The following NLK variants were observed in gnomAD, a reference collection of about 807,000 sequenced individuals.
The protein encoded by NLK is serine/threonine-protein kinase NLK.
NLK carries 11 observed loss-of-function variants against 59.0 expected under a neutral mutation model. That is an observed-to-expected ratio of 0.19 (90% confidence interval 0.12 to 0.31). The LOEUF (loss-of-function observed/expected upper bound fraction) is 0.31. NLK is among the 10% of genes least tolerant of loss of function. The probability of loss-of-function intolerance (pLI) is 1.00; values close to 1 mark genes in which losing one functional copy is unlikely to be tolerated. For synonymous variants in NLK, 235 were observed against 235.9 expected (o/e 1.00, Z 0.03); for missense variants, 410 against 661.1 (o/e 0.62, Z 4.16).
intron 4 of NLK, 38 bp downstream of exon 4, chr17:28,161,304 T>G: frequency 3.6e-6 from 4 of 1,098,908 alleles, no homozygotes; most frequent in Non-Finnish European, 5.6e-6. Flanking sequence ...GCTGTCACAC[T>G]GTAAATGAAA....
intron 1 of NLK, among the ~76,000 whole-genome samples, chr17:28,095,532 ACTACTCAGGATT>A (rs1904670615): frequency 6.6e-6 from 1 of 152,234 alleles, no homozygotes; most frequent in African/African-American, 2.4e-5. Context: ...CAAGGATTCT[ACTACTCAGGATT>A]GTAGTATGAT....
chr17:28,189,576 A>G (rs1909240126), intron 8 of NLK, among the ~76,000 whole-genome samples: 1 of 152,188 alleles, frequency 6.6e-6, no homozygotes, highest in Non-Finnish European at 1.5e-5. Context: ...CCTGAAACTC[A>G]TGAACAGAAG....
At chr17:28,122,916 CT>C (rs1350132847) in intron 2 of NLK, among the ~76,000 whole-genome samples, 184 bp downstream of exon 2, 1 of 152,170 alleles carries the variant, frequency 6.6e-6, no homozygotes, top group Admixed American at 6.5e-5. Flanking sequence ...TATTGATAGG[CT>C]TTCAATTCAT....
Position 28,049,939 on chromosome 17 carries a change from C to T in NLK, c.458+6608C>T, listed in dbSNP as rs187226438. Among the ~76,000 whole-genome samples, 406 of 152,204 alleles carry T rather than the reference C, an allele frequency of 2.7e-3. 1 individual carries two copies. Among genetic ancestry groups the T allele is most frequent in the Non-Finnish European group, 4.5e-3 (304 of 67,994 alleles). On this transcript the variant is annotated intron_variant, in intron 1 of 10. Transcript: ENST00000407008. ...AGGTTGCAGTGAGCCAAGATCGTGC[C>T]GTTTCACTCCAGCCTGGACAACAAG...
rs530883428 is a variant in NLK at position 28,044,744 on chromosome 17, G to C, written c.458+1413G>C. 2.0e-5 allele frequency among the ~76,000 whole-genome samples: 3 copies of C among 152,296 alleles called. No individual in the cohort carries two copies. The South Asian group carries it at 6.2e-4, about 32-fold the overall frequency. On this transcript the variant is annotated intron_variant, in intron 1 of 10. Coordinates refer to ENST00000407008, the MANE Select transcript of NLK (RefSeq NM_016231.5). ...TCTTGAGGATTTCCAAGCTTTGGTT[G>C]GGGGATGGAACAGACAGGAAAACGG...
At chr17:28,125,950 G>T (rs948186897) in intron 2 of NLK, among the ~76,000 whole-genome samples, 3 of 152,144 alleles carry the variant, frequency 2.0e-5, no homozygotes, top group Non-Finnish European at 2.9e-5. Flanking sequence ...AGGAACCAAC[G>T]ACTTGGAGTT....
intron 8 of NLK, among the ~76,000 whole-genome samples, chr17:28,186,455 T>A (rs183185141): frequency 6.6e-6 from 1 of 152,300 alleles, no homozygotes; most frequent in South Asian, 2.1e-4. Context: ...TTCTTTTTTG[T>A]TTTTTTACTG....
chr17:28,175,064 T>C (rs953200095), intron 7 of NLK, among the ~76,000 whole-genome samples: 1 of 151,862 alleles, frequency 6.6e-6, no homozygotes, highest in Non-Finnish European at 1.5e-5. Flanking sequence ...TGGTACATCA[T>C]GACTTTTCTG....
rs1297143427 is a variant in NLK, at chr17:28,163,474, G to GT, written c.752-61dup. On this transcript the variant is annotated intron_variant, in intron 4 of 10. Transcript: ENST00000407008. ...AAATCCTCTACTGTTTTCTTCCAAGGTTTTTTTTAAATTATTGGTTGAGTA... is the reference window on the plus strand; with the variant it reads ...AAATCCTCTACTGTTTTCTTCCAAGGTTTTTTTTTAAATTATTGGTTGAGTA... 1.9e-4 allele frequency: 176 copies of GT among 910,250 alleles called. 1 individual carries two copies. Among genetic ancestry groups the GT allele is most frequent in the South Asian group, 1.6e-3 (105 of 64,542 alleles). 56.4% of individuals were successfully genotyped at this position (910,250 alleles called of 1,614,324 possible).
At chr17:28,057,894 A>G (rs919651207) in intron 1 of NLK, among the ~76,000 whole-genome samples, 15 of 152,208 alleles carry the variant, frequency 9.9e-5, no homozygotes, top group African/African-American at 3.6e-4. Flanking sequence ...TAAATCTAAA[A>G]TATGAGTTAA....
At chr17:28,113,561 G>A (rs2142807377) in intron 1 of NLK, among the ~76,000 whole-genome samples, 1 of 152,208 alleles carries the variant, frequency 6.6e-6, no homozygotes, top group African/African-American at 2.4e-5. Flanking sequence ...TGGCACTAGT[G>A]GGAGTGTCTC....
At chr17:28,129,513 A>C (rs905271779) in intron 2 of NLK, among the ~76,000 whole-genome samples, 1 of 152,136 alleles carries the variant, frequency 6.6e-6, no homozygotes, top group African/African-American at 2.4e-5. Context: ...TTTACATAGA[A>C]ATATGTGTGT....
chr17:28,127,527 G>T (rs1349626883), intron 2 of NLK, among the ~76,000 whole-genome samples: 2 of 152,178 alleles, frequency 1.3e-5, no homozygotes, highest in Admixed American at 1.3e-4. Flanking sequence ...TACTTTTCAA[G>T]GAATTTGGTT....
At chr17:28,081,963 G>A (rs1282038314) in intron 1 of NLK, among the ~76,000 whole-genome samples, 1 of 152,118 alleles carries the variant, frequency 6.6e-6, no homozygotes, top group Non-Finnish European at 1.5e-5. Context: ...GAGCGATCTC[G>A]GATCACTGTA....
At chr17:28,125,071 T>C (rs1198211806) in intron 2 of NLK, among the ~76,000 whole-genome samples, 1 of 151,882 alleles carries the variant, frequency 6.6e-6, no homozygotes, top group Non-Finnish European at 1.5e-5. Flanking sequence ...AAAAAGAAAT[T>C]TGCTTACTAA....
At chr17:28,074,885 A>T (rs1323852664) in intron 1 of NLK, among the ~76,000 whole-genome samples, 1 of 152,216 alleles carries the variant, frequency 6.6e-6, no homozygotes, top group African/African-American at 2.4e-5. Flanking sequence ...GGAGGTGCCA[A>T]CACCCGAGGT....
At chr17:28,122,922 A>T (rs1389391949) in intron 2 of NLK, among the ~76,000 whole-genome samples, 190 bp downstream of exon 2, 1 of 152,224 alleles carries the variant, frequency 6.6e-6, no homozygotes, top group Admixed American at 6.5e-5. Flanking sequence ...TAGGCTTTCA[A>T]TTCATACATT....
chr17:28,099,657 C>T (rs1422625979), intron 1 of NLK, among the ~76,000 whole-genome samples: 1 of 148,518 alleles, frequency 6.7e-6, no homozygotes, highest in Middle Eastern at 3.5e-3. Flanking sequence ...CGGCTCACTG[C>T]AAGCTCCGCT....
intron 6 of NLK, chr17:28,171,438 G>A (rs913149144): frequency 6.6e-6 from 1 of 152,214 alleles, no homozygotes; most frequent in Non-Finnish European, 1.5e-5. Flanking sequence ...AAATTGGTAA[G>A]ATAGTTTGCT....
Sources: gnomAD v4.1 joint callset for allele counts (sites outside exome capture counted in the v4.1 genomes callset) on GRCh38, gnomAD v4.1.1 for gene constraint, MANE v1.5 for transcripts, NCBI Gene and HGNC (gene_info 2026-07-23, HGNC 2026-07-21) for gene names.